DIS3: variants seen among roughly 807,000 people sequenced by gnomAD.
DIS3 encodes exosome complex exonuclease RRP44.
In DIS3, 103 loss-of-function variants were observed where a neutral mutation model predicts 113.0. The observed-to-expected ratio is 0.91, with a 90% CI of 0.78 to 1.07. DIS3 has a LOEUF of 1.07. Among genes scored for constraint, DIS3 ranks in the 50% least tolerant of loss-of-function variants. DIS3 has a pLI of 0.00. For missense variants in DIS3, 1,121 were observed against 1,167.1 expected, an observed-to-expected ratio of 0.96 and a Z score of 0.58; for synonymous variants, 402 against 394.3, an observed-to-expected ratio of 1.02 and a Z score of -0.23.
Position 72,755,605 on chromosome 13 carries a change from T to A in DIS3, c.*4190A>T, listed in dbSNP as rs1308163191. ...TTAAAACTGAAGGCACTATATATTTTTACATAAAAGCTTGAACATACAGAT... is the reference window on the plus strand; with the variant it reads ...TTAAAACTGAAGGCACTATATATTTATACATAAAAGCTTGAACATACAGAT... On this transcript the variant is annotated 3_prime_UTR_variant, in exon 21 of 21. Transcript: ENST00000377767. 1.1e-5 allele frequency: 4 copies of A among 348,214 alleles called. No individual in the cohort carries two copies. The highest frequency in any genetic ancestry group is 1.0e-5 in the Non-Finnish European group (2 of 196,154). The allele number at this position is 348,214 out of a possible 1,614,324, so 21.6% of individuals were successfully genotyped here.
Position 72,755,472 on chromosome 13 carries a change from C to G in DIS3, c.*4323G>C. 1 of 451,116 alleles carries G rather than the reference C, an allele frequency of 2.2e-6. No individual in the cohort carries two copies. Among genetic ancestry groups the G allele is most frequent in the Non-Finnish European group, 3.9e-6 (1 of 255,716 alleles). 27.9% of individuals were successfully genotyped at this position (451,116 alleles called of 1,614,324 possible). A position where few individuals can be genotyped will look rare whatever the true frequency, so the allele number is the denominator to read the frequency against. On this transcript the variant is annotated 3_prime_UTR_variant, in exon 21 of 21. Transcript: ENST00000377767. ...TTACATTGAGTGATGTGTTTAACAA[C>G]AAATTGTGACAGAGCTGAGTGCTCC...
intron 13 of DIS3, among the ~76,000 whole-genome samples, chr13:72,769,429 A>G (rs2033833253): frequency 6.6e-6 from 1 of 152,162 alleles, no homozygotes; most frequent in African/African-American, 2.4e-5. Flanking sequence ...CCAATGAAAA[A>G]TAACCAAAAT....
In DIS3 at chr13:72,754,365, G is replaced by A. The variant is rs2033384850; in HGVS notation, c.*5430C>T. The A allele has an allele frequency of 6.6e-6, 1 of 151,104 alleles. No individual in the cohort carries two copies. The highest frequency in any genetic ancestry group is 1.5e-5 in the Non-Finnish European group (1 of 68,806). 9.4% of individuals were successfully genotyped at this position (151,104 alleles called of 1,614,324 possible). On this transcript the variant is annotated 3_prime_UTR_variant, in exon 21 of 21. Transcript: ENST00000377767. Reference sequence around the variant, plus strand: ...CTTACTCTGTCACCCGGGCTGGAGTGCAGTCGTAGAATCAGATCACTACAG... The same window carrying A: ...CTTACTCTGTCACCCGGGCTGGAGTACAGTCGTAGAATCAGATCACTACAG...
intron 4 of DIS3, among the ~76,000 whole-genome samples, chr13:72,777,069 T>G (rs761668678): frequency 5.9e-5 from 9 of 152,160 alleles, no homozygotes; most frequent in Non-Finnish European, 1.3e-4. Flanking sequence ...ATCTGGACAC[T>G]CCCCTCCCTC....
chr13:72,767,980 C>T (rs1289301997), intron 14 of DIS3, among the ~76,000 whole-genome samples: 2 of 152,118 alleles, frequency 1.3e-5, no homozygotes, highest in Non-Finnish European at 2.9e-5. Flanking sequence ...ATACCTTACG[C>T]CTTTTGTAGT....
At chr13:72,776,290 C>A (rs2034017048) in intron 4 of DIS3, among the ~76,000 whole-genome samples, 198 bp from the exon 5 acceptor site, 2 of 152,006 alleles carry the variant, frequency 1.3e-5, no homozygotes, top group African/African-American at 4.8e-5. Flanking sequence ...ATTCATTTTG[C>A]GATCTCTAAT....
chr13:72,762,111 G>C lies in DIS3; in HGVS notation c.2154C>G (p.Ala718=), dbSNP rs139459760. The C allele has an allele frequency of 6.2e-7, 1 of 1,613,728 alleles. No individual in the cohort carries two copies. Among genetic ancestry groups the C allele is most frequent in the South Asian group, 1.1e-5 (1 of 91,070 alleles). The change falls in exon 17 of 21, where the codon GCC becomes GCG. Residue 718 remains alanine, a synonymous_variant. Transcript: ENST00000377767. ...GATCCAAAGACTCAGCCAAAGACTT[G>C]GCTGTATCAGTCTTAATTTCCAAAT... ...SRNLEIKTDT[A]KSLAESLDQA... is the part of the protein sequence containing the mutation.
In DIS3 at chr13:72,757,490, A is replaced by G. The variant is rs1306879746; in HGVS notation, c.*2305T>C. The G allele has an allele frequency of 6.7e-6, 1 of 148,680 alleles. No homozygotes were observed. The highest frequency in any genetic ancestry group is 1.5e-5 in the Non-Finnish European group (1 of 67,926). 9.2% of individuals were successfully genotyped at this position (148,680 alleles called of 1,614,324 possible). A position where few individuals can be genotyped will look rare whatever the true frequency, so the allele number is the denominator to read the frequency against. On this transcript the variant is annotated 3_prime_UTR_variant, in exon 21 of 21. Coordinates refer to ENST00000377767, the MANE Select transcript of DIS3 (RefSeq NM_014953.5). ...ATCCAGGCTGAACTGCAGTGGTGCA[A>G]TCTCGGCTCACTGCAACTTCCGCCT...
In DIS3 at chr13:72,772,305, A is replaced by G. The variant is rs753958030; in HGVS notation, c.1387-30T>C. ...AAGACATGAAATGATAAACAAATAA[A>G]TTATTTCCAAAGCACAACTACAACA... On this transcript the variant is annotated intron_variant, in intron 9 of 20. Transcript: ENST00000377767. The G allele has an allele frequency of 7.2e-5, 109 of 1,519,488 alleles. 1 individual carries two copies. In the South Asian group the frequency reaches 1.2e-3, roughly 17 times the overall value. 94.1% of individuals were successfully genotyped at this position (1,519,488 alleles called of 1,614,324 possible).
chr13:72,774,296 T>C, intron 6 of DIS3, among the ~76,000 whole-genome samples: 1 of 151,978 alleles, frequency 6.6e-6, no homozygotes, highest in Non-Finnish European at 1.5e-5. Context: ...CAAAAACAAA[T>C]AAATAAATAT....
At chr13:72,767,163 T>C (rs9600022) in intron 14 of DIS3, among the ~76,000 whole-genome samples, 4,387 of 152,268 alleles carry the variant, frequency 0.029, 89 homozygotes, top group Middle Eastern at 0.044. Flanking sequence ...GACGGTTTTT[T>C]TTTCTGATTG....
Position 72,753,991 on chromosome 13 carries a change from T to C in DIS3, c.*5804A>G. On this transcript the variant is annotated 3_prime_UTR_variant, in exon 21 of 21. Coordinates refer to ENST00000377767, the MANE Select transcript of DIS3 (RefSeq NM_014953.5). ...CTTTAAATATTTTGGTTACTCTGAA[T>C]ACACAAGTATCTTACATACTACAAA... 1.5e-6 allele frequency: 1 copy of C among 651,372 alleles called. No individual in the cohort carries two copies. The highest frequency in any genetic ancestry group is 2.5e-6 in the Non-Finnish European group (1 of 396,340). The allele number at this position is 651,372 out of a possible 1,614,324, so 40.3% of individuals were successfully genotyped here.
At chr13:72,778,059 A>AT (rs2034062212) in intron 3 of DIS3, 128 bp downstream of exon 3, 2 of 867,938 alleles carry the variant, frequency 2.3e-6, no homozygotes, top group Admixed American at 6.2e-5. Flanking sequence ...AAATACAAAA[A>AT]TATCACATGA....
intron 14 of DIS3, 24 bp from the exon 15 acceptor site, chr13:72,766,082 A>T (rs1447240401): frequency 5.7e-6 from 9 of 1,565,462 alleles, no homozygotes; most frequent in Middle Eastern, 1.7e-4. Flanking sequence ...AAAGAGAAAA[A>T]TTATAGTCAA....
chr13:72,754,305 CTTTTT>C lies in DIS3; in HGVS notation c.*5485_*5489del, dbSNP rs955339716. The stretch of plus-strand genomic sequence containing the variant: ...ACATGCCCAGCCTTGTATGCCGTTT[CTTTTT>C]TTTCTTTTTTTTTTTTTTTGAGACA... On this transcript the variant is annotated 3_prime_UTR_variant, in exon 21 of 21. Transcript: ENST00000377767. 3 of 151,098 alleles carry C rather than the reference CTTTTT, an allele frequency of 2.0e-5. No individual in the cohort carries two copies. Among genetic ancestry groups the C allele is most frequent in the Admixed American group, 1.3e-4 (2 of 14,918 alleles). The allele number at this position is 151,098 out of a possible 1,614,324, so 9.4% of individuals were successfully genotyped here. A position where few individuals can be genotyped will look rare whatever the true frequency, so the allele number is the denominator to read the frequency against.
At position 72,758,095 on chromosome 13, in the gene DIS3, T is replaced by C. The variant is rs906756409; in HGVS notation, c.*1700A>G. 1.2e-4 allele frequency: 21 copies of C among 181,130 alleles called. No individual in the cohort carries two copies. The highest frequency in any genetic ancestry group is 5.0e-4 in the African/African-American group (21 of 42,346). The allele number at this position is 181,130 out of a possible 1,614,324, so 11.2% of individuals were successfully genotyped here. ...TAAATAGGTGTACCATTTTATATCTTATATATATCTATATATATATTTTTA... is the reference window on the plus strand; with the variant it reads ...TAAATAGGTGTACCATTTTATATCTCATATATATCTATATATATATTTTTA... On this transcript the variant is annotated 3_prime_UTR_variant, in exon 21 of 21. Coordinates refer to ENST00000377767, the MANE Select transcript of DIS3 (RefSeq NM_014953.5).
rs2033489774 is a variant in DIS3 at position 72,756,881 on chromosome 13, T to A, written c.*2914A>T. The A allele has an allele frequency of 6.6e-6, 1 of 152,078 alleles. No homozygotes were observed. Among genetic ancestry groups the A allele is most frequent in the Admixed American group, 6.5e-5 (1 of 15,270 alleles). The allele number at this position is 152,078 out of a possible 1,614,324, so 9.4% of individuals were successfully genotyped here. A position where few individuals can be genotyped will look rare whatever the true frequency, so the allele number is the denominator to read the frequency against. Reference sequence around the variant, plus strand: ...TTTCCTTTATAATAATTACCCAGTTTGGGGTATTTCTTCGTAGCAGTGTGA... The same window carrying A: ...TTTCCTTTATAATAATTACCCAGTTAGGGGTATTTCTTCGTAGCAGTGTGA... On this transcript the variant is annotated 3_prime_UTR_variant, in exon 21 of 21. Transcript: ENST00000377767.
Position 72,764,332 on chromosome 13 carries a change from A to C in DIS3, c.1971-725T>G, listed in dbSNP as rs530574872. On this transcript the variant is annotated intron_variant, in intron 15 of 20. Coordinates refer to ENST00000377767, the MANE Select transcript of DIS3 (RefSeq NM_014953.5). The stretch of plus-strand genomic sequence containing the variant: ...AGATCATACAAATTTTGGCTTAAAA[A>C]CCAAAATTTTTAACAATAAATTACT... 2.0e-5 allele frequency among the ~76,000 whole-genome samples: 3 copies of C among 152,268 alleles called. No individual in the cohort carries two copies. The South Asian group carries it at 6.2e-4, about 32-fold the overall frequency.
rs2033451816 is a variant in DIS3, at chr13:72,755,893, G to A, written c.*3902C>T. The A allele has an allele frequency of 2.5e-6, 1 of 398,458 alleles. No homozygotes were observed. Among genetic ancestry groups the A allele is most frequent in the South Asian group, 1.3e-4 (1 of 7,864 alleles). The allele number at this position is 398,458 out of a possible 1,614,324, so 24.7% of individuals were successfully genotyped here. ...GAATAAAATATACCTCATGCCTAGG[G>A]TAGGGACATCCTTTCCAGCTCAAAC... On this transcript the variant is annotated 3_prime_UTR_variant, in exon 21 of 21. Transcript: ENST00000377767.
Sources: allele counts gnomAD v4.1 joint callset (sites outside exome capture counted in the v4.1 genomes callset), GRCh38; gene constraint gnomAD v4.1.1; transcripts MANE v1.5; gene names NCBI Gene and HGNC (gene_info 2026-07-23, HGNC 2026-07-21).